CAMKMT: variants seen among roughly 807,000 people sequenced by gnomAD.
The protein encoded by CAMKMT is CaM KMT.
CAMKMT carries 53 observed loss-of-function variants against 48.0 expected under a neutral mutation model. The ratio of observed to expected loss-of-function variants is 1.10; its 90% confidence interval spans 0.89 to 1.39. The LOEUF (loss-of-function observed/expected upper bound fraction) is 1.39. Ranked by LOEUF, CAMKMT falls within the 40% of genes most tolerant of loss-of-function variation. The probability of loss-of-function intolerance (pLI) is 0.00; values close to 1 mark genes in which losing one functional copy is unlikely to be tolerated. For synonymous variants in CAMKMT, 165 were observed against 152.3 expected (o/e 1.08, Z -0.61); for missense variants, 428 against 402.7 (o/e 1.06, Z -0.54).
At chr2:44,688,521 T>G (rs1676464676) in intron 3 of CAMKMT, among the ~76,000 whole-genome samples, 1 of 152,140 alleles carries the variant, frequency 6.6e-6, no homozygotes, top group Non-Finnish European at 1.5e-5. Flanking sequence ...TATATATATT[T>G]TAGCAATCTG....
intron 3 of CAMKMT, among the ~76,000 whole-genome samples, chr2:44,421,577 G>C (rs1239829450): frequency 1.3e-5 from 2 of 152,086 alleles, no homozygotes; most frequent in Non-Finnish European, 2.9e-5. Context: ...GGATGTTAAA[G>C]ATGGGTGAAA....
At chr2:44,494,883 A>C (rs1168535071) in intron 3 of CAMKMT, among the ~76,000 whole-genome samples, 1 of 152,230 alleles carries the variant, frequency 6.6e-6, no homozygotes, top group Non-Finnish European at 1.5e-5. Flanking sequence ...TAATCAGAGC[A>C]CTGTGCTTAG....
At chr2:44,756,310 C>G (rs368950004) in intron 9 of CAMKMT, among the ~76,000 whole-genome samples, 3 of 152,324 alleles carry the variant, frequency 2.0e-5, no homozygotes, top group East Asian at 1.9e-4. Context: ...AGGACCTCCC[C>G]CTCTGAGTAT....
At chr2:44,486,101 A>G (rs960030338) in intron 3 of CAMKMT, among the ~76,000 whole-genome samples, 2 of 152,144 alleles carry the variant, frequency 1.3e-5, no homozygotes, top group Non-Finnish European at 2.9e-5. Context: ...AGTAGCTGGG[A>G]TTACAGGCCC....
Position 44,707,198 on chromosome 2 carries a change from C to T in CAMKMT, c.493-201C>T, listed in dbSNP as rs571493312. Among the ~76,000 whole-genome samples, 3 of 152,008 alleles carry T rather than the reference C, an allele frequency of 2.0e-5. No individual in the cohort carries two copies. The South Asian group carries it at 6.3e-4, about 32-fold the overall frequency. On this transcript the variant is annotated intron_variant, in intron 5 of 10. Coordinates refer to ENST00000378494, the MANE Select transcript of CAMKMT (RefSeq NM_024766.5). ...ACAGAATGATAGCAAGATAGAGGCT[C>T]CCGCAAATGGAATGATAAAAGTATT...
chr2:44,662,867 CTT>C (rs1338433308), intron 3 of CAMKMT, among the ~76,000 whole-genome samples: 1 of 152,082 alleles, frequency 6.6e-6, no homozygotes, highest in African/African-American at 2.4e-5. Flanking sequence ...CCTGGCCTAA[CTT>C]TTTATTTTGC....
intron 3 of CAMKMT, among the ~76,000 whole-genome samples, chr2:44,619,467 A>G (rs1201764689): frequency 6.6e-6 from 1 of 151,930 alleles, no homozygotes; most frequent in African/African-American, 2.4e-5. Flanking sequence ...ATGTGTGTAT[A>G]TATATATATA....
At chr2:44,535,503 A>G (rs1190831410) in intron 3 of CAMKMT, among the ~76,000 whole-genome samples, 2 of 152,190 alleles carry the variant, frequency 1.3e-5, no homozygotes, top group East Asian at 3.8e-4. Context: ...AATTCTAACA[A>G]ACTGAATTCT....
chr2:44,505,010 GGA>G (rs1349990627), intron 3 of CAMKMT, among the ~76,000 whole-genome samples: 1 of 152,136 alleles, frequency 6.6e-6, no homozygotes, highest in Non-Finnish European at 1.5e-5. Flanking sequence ...AGGGGTGGGA[GGA>G]GAGATGCCAG....
intron 9 of CAMKMT, among the ~76,000 whole-genome samples, chr2:44,758,365 C>G (rs1680470353): frequency 6.6e-6 from 1 of 152,158 alleles, no homozygotes; most frequent in Admixed American, 6.5e-5. Context: ...TTGCTTGGCC[C>G]AGGGGTGATG....
At chr2:44,666,308 G>A (rs943613967) in intron 3 of CAMKMT, among the ~76,000 whole-genome samples, 1 of 152,048 alleles carries the variant, frequency 6.6e-6, no homozygotes, top group Non-Finnish European at 1.5e-5. Context: ...TATAATTTGG[G>A]GCTTTCTGTT....
At chr2:44,465,568 C>CAA (rs56885024) in intron 3 of CAMKMT, among the ~76,000 whole-genome samples, 88,940 of 133,070 alleles carry the variant, frequency 0.67, 29,059 homozygotes, top group Admixed American at 0.73. Flanking sequence ...TGTACTCTGT[C>CAA]AAAAAAAAAA....
At position 44,540,191 on chromosome 2, in the gene CAMKMT, GATTA is replaced by G. The variant is rs138229496; in HGVS notation, c.376+149890_376+149893del. 3.0e-3 allele frequency among the ~76,000 whole-genome samples: 460 copies of G among 151,478 alleles called. 2 individuals are homozygous for G. Among genetic ancestry groups the G allele is most frequent in the African/African-American group, 0.011 (434 of 41,282 alleles). ...ATATATGTACATATGTTTTAGTATG[GATTA>G]ATTGATTCCTGTGTTATTCAGTGGA... On this transcript the variant is annotated intron_variant, in intron 3 of 10. Transcript: ENST00000378494.
At chr2:44,567,948 G>T (rs984635223) in intron 3 of CAMKMT, among the ~76,000 whole-genome samples, 56 of 150,330 alleles carry the variant, frequency 3.7e-4, no homozygotes, top group Non-Finnish European at 1.6e-4. Context: ...TGCTACTCCT[G>T]TTCTTATTTA....
At chr2:44,564,350 T>C (rs1342164557) in intron 3 of CAMKMT, among the ~76,000 whole-genome samples, 1 of 151,942 alleles carries the variant, frequency 6.6e-6, no homozygotes, top group Non-Finnish European at 1.5e-5. Context: ...AATTTTTGTA[T>C]TTTTAATAGA....
intron 3 of CAMKMT, among the ~76,000 whole-genome samples, chr2:44,455,405 C>T (rs1196551062): frequency 3.3e-5 from 5 of 152,100 alleles, no homozygotes; most frequent in East Asian, 1.9e-4. Context: ...GAAGAAATTG[C>T]GTTGCCATGA....
intron 3 of CAMKMT, among the ~76,000 whole-genome samples, chr2:44,676,346 T>C (rs1224707586): frequency 6.6e-6 from 1 of 152,228 alleles, no homozygotes; most frequent in Non-Finnish European, 1.5e-5. Context: ...TTCCAGTAGA[T>C]CCAACCAGAA....
intron 3 of CAMKMT, among the ~76,000 whole-genome samples, chr2:44,401,994 T>A (rs1443277352): frequency 6.6e-6 from 1 of 152,180 alleles, no homozygotes; most frequent in Non-Finnish European, 1.5e-5. Flanking sequence ...TAAGGGGAAG[T>A]AATTTTTTGA....
chr2:44,649,348 A>G (rs577592784), intron 3 of CAMKMT, among the ~76,000 whole-genome samples: 11 of 152,222 alleles, frequency 7.2e-5, no homozygotes, highest in African/African-American at 2.6e-4. Context: ...AGATGAAAAA[A>G]CAGGGACTCT....
Sources: allele counts gnomAD v4.1 joint callset (sites outside exome capture counted in the v4.1 genomes callset), GRCh38; gene constraint gnomAD v4.1.1; transcripts MANE v1.5; gene names NCBI Gene and HGNC (gene_info 2026-07-23, HGNC 2026-07-21).